Variants in CDKAL1 observed in about 807,000 individuals in gnomAD.
CDKAL1 encodes the protein threonylcarbamoyladenosine tRNA methylthiotransferase.
A neutral mutation model predicts 68.2 loss-of-function variants in CDKAL1; 32 were observed. The observed-to-expected ratio is 0.47, with a 90% CI of 0.35 to 0.63. The LOEUF (loss-of-function observed/expected upper bound fraction) is 0.63. Among genes scored for constraint, CDKAL1 ranks in the 30% least tolerant of loss-of-function variants. The pLI, the probability that CDKAL1 is intolerant of heterozygous loss-of-function variation, is 0.00. For synonymous variants in CDKAL1, 234 were observed against 244.3 expected (o/e 0.96, Z 0.39); for missense variants, 606 against 696.7 (o/e 0.87, Z 1.47).
intron 9 of CDKAL1, among the ~76,000 whole-genome samples, chr6:20,890,716 A>C (rs1761348958): frequency 6.6e-6 from 1 of 152,152 alleles, no homozygotes. Flanking sequence ...ATGCTGTCAT[A>C]CCATTAGTCT....
rs114544190 is a variant in CDKAL1, at chr6:20,585,931, A to G, written c.286+37226A>G. On this transcript the variant is annotated intron_variant, in intron 4 of 15. Coordinates refer to ENST00000274695, the MANE Select transcript of CDKAL1 (RefSeq NM_017774.3). ...ATTTGGATCTTTAAAAGGCATGTCT[A>G]TTTACCATGTCCAAAACTACTAATC... Among the ~76,000 whole-genome samples, 849 of 151,896 alleles carry G rather than the reference A, an allele frequency of 5.6e-3. 8 individuals carry two copies. Among genetic ancestry groups the G allele is most frequent in the African/African-American group, 0.02 (812 of 41,392 alleles).
At chr6:20,591,043 G>A (rs566944276) in intron 4 of CDKAL1, among the ~76,000 whole-genome samples, 1 of 152,052 alleles carries the variant, frequency 6.6e-6, no homozygotes, top group South Asian at 2.1e-4. Flanking sequence ...TTTAATGATC[G>A]CCATTCTAAC....
intron 5 of CDKAL1, among the ~76,000 whole-genome samples, chr6:20,710,475 A>C (rs1771797004): frequency 6.6e-6 from 1 of 152,154 alleles, no homozygotes; most frequent in African/African-American, 2.4e-5. Context: ...GTGTACATAC[A>C]CTCTGTGATA....
intron 6 of CDKAL1, among the ~76,000 whole-genome samples, chr6:20,758,388 T>C (rs758206271): frequency 2.1e-4 from 32 of 152,194 alleles, no homozygotes; most frequent in Non-Finnish European, 3.8e-4. Context: ...TCAGTTATCA[T>C]TGGAGGACAG....
intron 4 of CDKAL1, among the ~76,000 whole-genome samples, chr6:20,580,598 C>T (rs987215555): frequency 5.9e-5 from 9 of 152,104 alleles, no homozygotes; most frequent in Admixed American, 3.9e-4. Context: ...TCTGTTTGGT[C>T]TTTCAATATA....
intron 12 of CDKAL1, among the ~76,000 whole-genome samples, chr6:21,100,673 G>T (rs1460012389): frequency 7.1e-6 from 1 of 141,720 alleles, no homozygotes; most frequent in African/African-American, 2.7e-5. Flanking sequence ...TGAAGAGTTT[G>T]CCTGTTTCCC....
At chr6:20,999,461 T>A (rs1443955011) in intron 10 of CDKAL1, among the ~76,000 whole-genome samples, 1 of 152,020 alleles carries the variant, frequency 6.6e-6, no homozygotes, top group African/African-American at 2.4e-5. Flanking sequence ...AAACACTCTC[T>A]GAGTTTTTAA....
intron 7 of CDKAL1, among the ~76,000 whole-genome samples, chr6:20,761,165 C>T (rs1049145386): frequency 6.6e-6 from 1 of 152,186 alleles, no homozygotes; most frequent in Non-Finnish European, 1.5e-5. Context: ...AGGTGTTTGA[C>T]ATCGTATGTC....
Position 20,568,749 on chromosome 6 carries a change from AAC to A in CDKAL1, c.286+20046_286+20047del, listed in dbSNP as rs70990048. 9.7e-3 allele frequency among the ~76,000 whole-genome samples: 800 copies of A among 82,162 alleles called. 28 individuals are homozygous for A. Among genetic ancestry groups the A allele is most frequent in the Middle Eastern group, 0.029 (4 of 138 alleles). The allele number at this position is 82,162 out of a possible 152,430, so 53.9% of individuals were successfully genotyped here. On this transcript the variant is annotated intron_variant, in intron 4 of 15. Transcript: ENST00000274695. ...GACTCCGCCTCAAAAAAAAAAAAAA[AAC>A]AAAAAAACAAAAAAACAAAGAAATG...
intron 5 of CDKAL1, among the ~76,000 whole-genome samples, chr6:20,719,472 G>A (rs933578949): frequency 1.3e-5 from 2 of 152,134 alleles, no homozygotes; most frequent in African/African-American, 4.8e-5. Context: ...GTATTTATAT[G>A]CCATGGGTTA....
chr6:20,918,887 T>C (rs1225553450), intron 9 of CDKAL1, among the ~76,000 whole-genome samples: 2 of 152,228 alleles, frequency 1.3e-5, no homozygotes, highest in Non-Finnish European at 2.9e-5. Flanking sequence ...TTAGTGTTCA[T>C]GGGCATTTCC....
At chr6:20,647,604 T>G (rs1768537111) in intron 4 of CDKAL1, among the ~76,000 whole-genome samples, 1 of 152,134 alleles carries the variant, frequency 6.6e-6, no homozygotes, top group Non-Finnish European at 1.5e-5. Flanking sequence ...CTACACACAG[T>G]CTGTTATAGG....
chr6:20,937,005 G>A (rs937439095), intron 9 of CDKAL1, among the ~76,000 whole-genome samples: 1 of 152,084 alleles, frequency 6.6e-6, no homozygotes, highest in Non-Finnish European at 1.5e-5. Context: ...TGCTTTTATT[G>A]TATAAAAATC....
At chr6:20,621,799 C>T in intron 4 of CDKAL1, among the ~76,000 whole-genome samples, 1 of 146,244 alleles carries the variant, frequency 6.8e-6, no homozygotes, top group African/African-American at 2.5e-5. Flanking sequence ...CACTTTTTGG[C>T]ACTGCAAGAT....
intron 4 of CDKAL1, among the ~76,000 whole-genome samples, chr6:20,576,236 TCTA>T (rs1764902937): frequency 6.6e-6 from 1 of 152,220 alleles, no homozygotes; most frequent in Non-Finnish European, 1.5e-5. Flanking sequence ...TCATGAGAAG[TCTA>T]CCTTTGCCTG....
intron 4 of CDKAL1, among the ~76,000 whole-genome samples, chr6:20,604,409 G>A (rs1766242475): frequency 6.6e-6 from 1 of 152,148 alleles, no homozygotes. Context: ...TGATTATATT[G>A]GACCTCTTCC....
intron 9 of CDKAL1, among the ~76,000 whole-genome samples, chr6:20,888,355 CTTCT>C (rs776819378): frequency 1.7e-3 from 120 of 71,352 alleles, no homozygotes; most frequent in Middle Eastern, 8.5e-3. Flanking sequence ...TGTGCCACAT[CTTCT>C]TTTTTTTTTT....
intron 12 of CDKAL1, among the ~76,000 whole-genome samples, chr6:21,066,292 G>A (rs1321204583): frequency 1.3e-5 from 2 of 151,846 alleles, no homozygotes; most frequent in Admixed American, 6.6e-5. Context: ...ACAACTTTCT[G>A]TCTATACAAG....
intron 6 of CDKAL1, among the ~76,000 whole-genome samples, chr6:20,754,972 G>A (rs1487327552): frequency 6.6e-6 from 1 of 152,126 alleles, no homozygotes; most frequent in African/African-American, 2.4e-5. Context: ...TCCTCTGCAT[G>A]TTCTGACTTT....
Sources: allele counts gnomAD v4.1 joint callset (sites outside exome capture counted in the v4.1 genomes callset), GRCh38; gene constraint gnomAD v4.1.1; transcripts MANE v1.5; gene names NCBI Gene and HGNC (gene_info 2026-07-23, HGNC 2026-07-21).